The following FOSL1 variants were observed in gnomAD, a reference collection of about 807,000 sequenced individuals.
The protein encoded by FOSL1 is fos-related antigen 1.
A neutral mutation model predicts 24.9 loss-of-function variants in FOSL1; 14 were observed. The observed-to-expected ratio is 0.56, with a 90% confidence interval of 0.37 to 0.88. The LOEUF is 0.88. Ranked by LOEUF, FOSL1 falls within the 40% of genes least tolerant of loss-of-function variation. FOSL1 has a pLI of 0.00. For synonymous variants in FOSL1, 133 were observed against 145.1 expected, an observed-to-expected ratio of 0.92 and a Z score of 0.60; for missense variants, 318 against 359.8, an observed-to-expected ratio of 0.88 and a Z score of 0.94.
chr11:65,898,169 T>C (rs1241143913), intron 1 of FOSL1, among the ~76,000 whole-genome samples: 1 of 151,224 alleles, frequency 6.6e-6, no homozygotes, highest in Non-Finnish European at 1.5e-5. Flanking sequence ...GCCTCCCGAG[T>C]AGCTGGGACT....
rs1037936857 is a variant in FOSL1, at chr11:65,893,877, T to G, written c.405+137A>C. On this transcript the variant is annotated intron_variant, in intron 3 of 3. Transcript: ENST00000312562. ...CTGCAGCCAGTTTCTAATCAATTTTTCCTCATCATTTTCCCAGAAGGACTG... is the reference window on the plus strand; with the variant it reads ...CTGCAGCCAGTTTCTAATCAATTTTGCCTCATCATTTTCCCAGAAGGACTG... 1.6e-5 allele frequency: 11 copies of G among 688,138 alleles called. No homozygotes were observed. In the African/African-American group the frequency reaches 1.9e-4, roughly 12 times the overall value. 42.6% of individuals were successfully genotyped at this position (688,138 alleles called of 1,614,324 possible).
chr11:65,899,893 C>G (rs1591091815), intron 1 of FOSL1, among the ~76,000 whole-genome samples: 2 of 152,306 alleles, frequency 1.3e-5, no homozygotes, highest in East Asian at 3.9e-4. Context: ...GAGAGACCCT[C>G]CTAGCCTTCG....
Sources: gnomAD v4.1 joint callset for allele counts (sites outside exome capture counted in the v4.1 genomes callset) on GRCh38, gnomAD v4.1.1 for gene constraint, MANE v1.5 for transcripts, NCBI Gene and HGNC (gene_info 2026-07-23, HGNC 2026-07-21) for gene names.